Variants in PLXDC2 observed in about 807,000 individuals in gnomAD.
PLXDC2 encodes plexin domain-containing protein 2.
Under a neutral mutation model 68.9 loss-of-function variants are expected in PLXDC2, and 40 were observed. The ratio of observed to expected loss-of-function variants is 0.58; its 90% CI spans 0.45 to 0.76. PLXDC2 has a LOEUF of 0.76. Ranked by LOEUF, PLXDC2 falls within the 30% of genes least tolerant of loss-of-function variation. The pLI is 0.00. For synonymous variants in PLXDC2, 243 were observed against 234.2 expected (o/e 1.04, Z -0.34); for missense variants, 644 against 661.9 (o/e 0.97, Z 0.30).
chr10:19,865,450 C>T (rs1035910930), intron 1 of PLXDC2, among the ~76,000 whole-genome samples: 3 of 152,156 alleles, frequency 2.0e-5, no homozygotes, highest in Non-Finnish European at 4.4e-5. Context: ...TTACTGTACT[C>T]GAGGTTCTGC....
intron 1 of PLXDC2, among the ~76,000 whole-genome samples, chr10:19,888,304 A>G (rs1005121839): frequency 2.6e-5 from 4 of 152,192 alleles, no homozygotes; most frequent in Non-Finnish European, 4.4e-5. Flanking sequence ...AAATGATTCA[A>G]ATGTATCTAG....
chr10:20,181,854 A>G (rs772351996), intron 9 of PLXDC2, among the ~76,000 whole-genome samples: 2 of 151,990 alleles, frequency 1.3e-5, no homozygotes, highest in African/African-American at 4.8e-5. Flanking sequence ...TTACCATATT[A>G]AAAAAATGGA....
intron 1 of PLXDC2, among the ~76,000 whole-genome samples, chr10:19,878,578 C>A (rs1246511599): frequency 1.3e-5 from 2 of 152,114 alleles, no homozygotes; most frequent in Non-Finnish European, 2.9e-5. Flanking sequence ...TAGGCAAACT[C>A]CTTTAATGTA....
intron 10 of PLXDC2, among the ~76,000 whole-genome samples, chr10:20,216,400 G>GTTTAAT (rs1233476875): frequency 6.6e-6 from 1 of 152,140 alleles, no homozygotes; most frequent in Non-Finnish European, 1.5e-5. Flanking sequence ...GGGCTCAGAG[G>GTTTAAT]TGCAGGAACT....
At chr10:20,085,075 A>T (rs1211163670) in intron 4 of PLXDC2, among the ~76,000 whole-genome samples, 2 of 151,764 alleles carry the variant, frequency 1.3e-5, no homozygotes, top group African/African-American at 2.4e-5. Context: ...TTTTTCCTCC[A>T]GAGTTGCTGG....
intron 2 of PLXDC2, among the ~76,000 whole-genome samples, chr10:20,031,929 C>T (rs760921456): frequency 2.2e-4 from 34 of 152,016 alleles, no homozygotes; most frequent in Non-Finnish European, 4.3e-4. Flanking sequence ...AAGAGATTCT[C>T]CTGCCTCAGC....
At chr10:19,976,281 T>G (rs2131616022) in intron 1 of PLXDC2, among the ~76,000 whole-genome samples, 1 of 152,250 alleles carries the variant, frequency 6.6e-6, no homozygotes, top group South Asian at 2.1e-4. Flanking sequence ...TGGTGCGATC[T>G]TGGCTCACTG....
intron 1 of PLXDC2, among the ~76,000 whole-genome samples, chr10:19,869,666 T>G (rs1456890399): frequency 1.3e-5 from 2 of 152,094 alleles, no homozygotes; most frequent in Non-Finnish European, 2.9e-5. Flanking sequence ...TAATTAATAT[T>G]TAATATATTG....
chr10:19,834,288 T>C (rs1036618503), intron 1 of PLXDC2, among the ~76,000 whole-genome samples: 15 of 151,782 alleles, frequency 9.9e-5, no homozygotes, highest in African/African-American at 3.6e-4. Context: ...AGGCCCCTGG[T>C]TAGATCAAGA....
intron 9 of PLXDC2, among the ~76,000 whole-genome samples, chr10:20,197,495 C>A (rs1411910078): frequency 6.6e-6 from 1 of 151,540 alleles, no homozygotes; most frequent in Admixed American, 6.6e-5. Context: ...GTAGCTGGGA[C>A]TACAGGCATG....
Position 20,279,961 on chromosome 10 carries a change from C to G in PLXDC2, c.*142C>G, listed in dbSNP as rs904329880. 17 of 659,584 alleles carry G rather than the reference C, an allele frequency of 2.6e-5. No homozygotes were observed. The African/African-American group carries it at 3.1e-4, about 12-fold the overall frequency. 40.9% of individuals were successfully genotyped at this position (659,584 alleles called of 1,614,324 possible). On this transcript the variant is annotated 3_prime_UTR_variant, in exon 14 of 14. Coordinates refer to ENST00000377252, the MANE Select transcript of PLXDC2 (RefSeq NM_032812.9). ...GCCTGAAGAAGACAAGATTTCTGGA[C>G]AAGCTCAGCCCAGGAAACAAAGGGT...
intron 13 of PLXDC2, among the ~76,000 whole-genome samples, chr10:20,248,005 T>C (rs773246910): frequency 1.3e-5 from 2 of 152,202 alleles, no homozygotes; most frequent in Non-Finnish European, 2.9e-5. Flanking sequence ...AAATGCATTC[T>C]TCAAAGAGCT....
At chr10:20,235,758 A>G (rs1230736861) in intron 12 of PLXDC2, among the ~76,000 whole-genome samples, 1 of 152,210 alleles carries the variant, frequency 6.6e-6, no homozygotes, top group African/African-American at 2.4e-5. Context: ...AATGGATTTG[A>G]TAAGTAGTAA....
intron 2 of PLXDC2, among the ~76,000 whole-genome samples, chr10:20,044,239 T>C (rs932308800): frequency 1.3e-4 from 13 of 103,298 alleles, no homozygotes; most frequent in South Asian, 9.4e-4. Context: ...CTTTCTTTCT[T>C]TCTTTCTTTC....
chr10:19,871,937 C>T (rs979963503), intron 1 of PLXDC2, among the ~76,000 whole-genome samples: 1 of 151,340 alleles, frequency 6.6e-6, no homozygotes, highest in African/African-American at 2.4e-5. Flanking sequence ...TGCCCATTTC[C>T]TTAAGTGTAA....
At chr10:19,819,943 G>T (rs1023307267) in intron 1 of PLXDC2, among the ~76,000 whole-genome samples, 9 of 152,218 alleles carry the variant, frequency 5.9e-5, no homozygotes, top group African/African-American at 2.2e-4. Context: ...ATGGACATCT[G>T]TCATATTGTT....
At chr10:19,825,875 G>T (rs1022570862) in intron 1 of PLXDC2, among the ~76,000 whole-genome samples, 30 of 152,086 alleles carry the variant, frequency 2.0e-4, no homozygotes, top group African/African-American at 7.0e-4. Flanking sequence ...TTGTTCATTT[G>T]TCTGGTCAAA....
intron 13 of PLXDC2, among the ~76,000 whole-genome samples, chr10:20,246,084 C>T (rs1037626664): frequency 1.3e-5 from 2 of 152,168 alleles, no homozygotes; most frequent in African/African-American, 4.8e-5. Flanking sequence ...AGACGCATAT[C>T]CACACACTCA....
chr10:19,924,999 T>G (rs1833516313), intron 1 of PLXDC2, among the ~76,000 whole-genome samples: 1 of 152,204 alleles, frequency 6.6e-6, no homozygotes, highest in Non-Finnish European at 1.5e-5. Context: ...TTTGGGAGGT[T>G]GACAGTAAAT....
Sources: gnomAD v4.1 joint callset for allele counts (sites outside exome capture counted in the v4.1 genomes callset) on GRCh38, gnomAD v4.1.1 for gene constraint, MANE v1.5 for transcripts, NCBI Gene and HGNC (gene_info 2026-07-23, HGNC 2026-07-21) for gene names.